The following UBE2R2 variants were observed in gnomAD, a reference collection of about 807,000 sequenced individuals.
UBE2R2 encodes the protein ubiquitin-conjugating enzyme E2 R2.
A neutral mutation model predicts 27.8 loss-of-function variants in UBE2R2; 1 was observed. The ratio of observed to expected loss-of-function variants is 0.04; its 90% CI spans 0.01 to 0.17. UBE2R2 has a LOEUF of 0.17. UBE2R2 is among the 10% of genes least tolerant of loss of function. The pLI, the probability that UBE2R2 is intolerant of heterozygous loss-of-function variation, is 1.00. For synonymous variants in UBE2R2, 106 were observed against 113.3 expected (o/e 0.94, Z 0.41); for missense variants, 100 against 291.0 (o/e 0.34, Z 4.78).
At chr9:33,860,106 C>CTT (rs10606799) in intron 1 of UBE2R2, among the ~76,000 whole-genome samples, 1 of 148,380 alleles carries the variant, frequency 6.7e-6, no homozygotes, top group African/African-American at 2.5e-5. Context: ...CTTGCCTGCC[C>CTT]TTTTTTTTTT....
intron 1 of UBE2R2, among the ~76,000 whole-genome samples, chr9:33,880,137 C>T (rs764827662): frequency 2.6e-5 from 4 of 151,776 alleles, no homozygotes; most frequent in South Asian, 2.1e-4. Context: ...CCACCCGCCT[C>T]GGCCTCCCTA....
Position 33,884,225 on chromosome 9 carries a change from T to TCTCTCTCTCTCTCTCC in UBE2R2, c.178-2646_178-2645insCTCTCCCTCTCTCTCT, listed in dbSNP as rs753452133. Among the ~76,000 whole-genome samples the TCTCTCTCTCTCTCTCC allele has an allele frequency of 5.5e-5, 8 of 145,726 alleles. 1 individual carries two copies. Among genetic ancestry groups the TCTCTCTCTCTCTCTCC allele is most frequent in the Non-Finnish European group, 1.1e-4 (7 of 66,130 alleles). ...CTCTCTCTCTCTCTCTCTCTCTCTC[T>TCTCTCTCTCTCTCTCC]CTCTCTCTCTTCCCCCTCTCTTCCC... On this transcript the variant is annotated intron_variant, in intron 1 of 4. Transcript: ENST00000263228.
At chr9:33,866,315 T>A (rs1234149541) in intron 1 of UBE2R2, among the ~76,000 whole-genome samples, 2 of 151,830 alleles carry the variant, frequency 1.3e-5, no homozygotes, top group Admixed American at 1.3e-4. Flanking sequence ...CTCAGCTCAC[T>A]GCAACCTCCA....
rs116374831 is a variant in UBE2R2, at chr9:33,871,471, G to A, written c.178-15410G>A. Among the ~76,000 whole-genome samples, 56 of 152,262 alleles carry A rather than the reference G, an allele frequency of 3.7e-4. No individual in the cohort carries two copies. In the Middle Eastern group the frequency reaches 0.01, roughly 28 times the overall value. On this transcript the variant is annotated intron_variant, in intron 1 of 4. Coordinates refer to ENST00000263228, the MANE Select transcript of UBE2R2 (RefSeq NM_017811.4). ...ATTTAAATAGGATATGCTTGTGAGT[G>A]GTTCAGGCATTTTAGGGAGAACATA... is the stretch of plus-strand genomic sequence containing the variant.
At chr9:33,913,125 TA>T (rs994455200) in intron 4 of UBE2R2, among the ~76,000 whole-genome samples, 1 of 151,562 alleles carries the variant, frequency 6.6e-6, no homozygotes, top group African/African-American at 2.4e-5. Flanking sequence ...CATGCCCAGC[TA>T]ATTTTTGGAT....
At chr9:33,851,499 T>G (rs1445553483) in intron 1 of UBE2R2, among the ~76,000 whole-genome samples, 1 of 152,256 alleles carries the variant, frequency 6.6e-6, no homozygotes, top group Non-Finnish European at 1.5e-5. Context: ...TGTCCTAGAC[T>G]TTCATGACCT....
intron 1 of UBE2R2, among the ~76,000 whole-genome samples, chr9:33,829,660 A>G (rs1318663723): frequency 6.6e-6 from 1 of 152,138 alleles, no homozygotes; most frequent in Non-Finnish European, 1.5e-5. Flanking sequence ...TAATGCCTTG[A>G]TATTTTCCAA....
At chr9:33,869,752 G>A (rs972908513) in intron 1 of UBE2R2, among the ~76,000 whole-genome samples, 2 of 151,980 alleles carry the variant, frequency 1.3e-5, no homozygotes, top group Admixed American at 1.3e-4. Context: ...GCCTGGCCGG[G>A]ACATAATGTT....
chr9:33,913,351 C>T (rs895429909), intron 4 of UBE2R2, among the ~76,000 whole-genome samples: 3 of 152,092 alleles, frequency 2.0e-5, no homozygotes, highest in East Asian at 1.9e-4. Flanking sequence ...TTCAAATTCC[C>T]GGGCTCAGGC....
intron 1 of UBE2R2, among the ~76,000 whole-genome samples, chr9:33,855,956 G>C (rs1455983036): frequency 6.6e-6 from 1 of 152,188 alleles, no homozygotes; most frequent in Non-Finnish European, 1.5e-5. Context: ...TGCTTGGGAG[G>C]CTGAGGTGGG....
At chr9:33,875,225 C>T (rs1486322415) in intron 1 of UBE2R2, among the ~76,000 whole-genome samples, 3 of 152,146 alleles carry the variant, frequency 2.0e-5, no homozygotes, top group Admixed American at 6.6e-5. Context: ...TATAAAAGCT[C>T]ATAATTCCTT....
chr9:33,910,869 A>G (rs1023002806), intron 3 of UBE2R2, among the ~76,000 whole-genome samples: 1 of 152,002 alleles, frequency 6.6e-6, no homozygotes, highest in African/African-American at 2.4e-5. Context: ...TTGGGAGGCC[A>G]AGGCGGGCAG....
intron 1 of UBE2R2, among the ~76,000 whole-genome samples, chr9:33,835,729 A>C (rs978033155): frequency 1.3e-5 from 2 of 151,570 alleles, no homozygotes; most frequent in Non-Finnish European, 2.9e-5. Flanking sequence ...AAAAAAAAAA[A>C]CAAAACAGCC....
At chr9:33,840,528 A>G (rs747531623) in intron 1 of UBE2R2, among the ~76,000 whole-genome samples, 1 of 152,042 alleles carries the variant, frequency 6.6e-6, no homozygotes, top group Non-Finnish European at 1.5e-5. Context: ...TATATTTTGC[A>G]AATTGGTTAC....
chr9:33,845,294 T>A (rs2130745375), intron 1 of UBE2R2, among the ~76,000 whole-genome samples: 1 of 151,674 alleles, frequency 6.6e-6, no homozygotes, highest in South Asian at 2.1e-4. Context: ...TCACCCAGGC[T>A]GGAGTTCAGT....
intron 1 of UBE2R2, among the ~76,000 whole-genome samples, chr9:33,883,207 T>A (rs1327117079): frequency 6.6e-6 from 1 of 152,230 alleles, no homozygotes; most frequent in Non-Finnish European, 1.5e-5. Context: ...TTTACACCTA[T>A]GTTTTCTTTT....
At chr9:33,855,043 G>A (rs1185560780) in intron 1 of UBE2R2, among the ~76,000 whole-genome samples, 1 of 150,486 alleles carries the variant, frequency 6.6e-6, no homozygotes, top group East Asian at 1.9e-4. Context: ...GGCCATGATA[G>A]TTAATTCATA....
At chr9:33,878,515 G>C (rs1450514555) in intron 1 of UBE2R2, among the ~76,000 whole-genome samples, 1 of 152,118 alleles carries the variant, frequency 6.6e-6, no homozygotes, top group Non-Finnish European at 1.5e-5. Flanking sequence ...TTACTCTGGA[G>C]ACTGAGATGG....
chr9:33,851,078 C>T (rs1302686078), intron 1 of UBE2R2, among the ~76,000 whole-genome samples: 1 of 152,132 alleles, frequency 6.6e-6, no homozygotes, highest in Non-Finnish European at 1.5e-5. Flanking sequence ...TTTTTACTTC[C>T]ATTCCCACTT....
Sources: allele counts gnomAD v4.1 joint callset (sites outside exome capture counted in the v4.1 genomes callset), GRCh38; gene constraint gnomAD v4.1.1; transcripts MANE v1.5; gene names NCBI Gene and HGNC (gene_info 2026-07-23, HGNC 2026-07-21).